EXOC6B: variants seen among roughly 807,000 people sequenced by gnomAD.
EXOC6B encodes the protein exocyst complex component 6B.
A neutral mutation model predicts 113.5 loss-of-function variants in EXOC6B; 54 were observed. The ratio of observed to expected loss-of-function variants is 0.48; its 90% confidence interval spans 0.38 to 0.60. The LOEUF is 0.60. EXOC6B is among the 20% of genes least tolerant of loss of function. The pLI is 0.00. For synonymous variants in EXOC6B, 357 were observed against 339.0 expected (o/e 1.05, Z -0.58); for missense variants, 797 against 977.5 (o/e 0.82, Z 2.46).
At chr2:72,423,454 A>G (rs1357862291) in intron 18 of EXOC6B, among the ~76,000 whole-genome samples, 1 of 152,216 alleles carries the variant, frequency 6.6e-6, no homozygotes, top group African/African-American at 2.4e-5. Context: ...ATTCATATAT[A>G]AGAAAATTAA....
chr2:72,614,329 T>G (rs1558845772), intron 6 of EXOC6B, among the ~76,000 whole-genome samples: 1 of 152,102 alleles, frequency 6.6e-6, no homozygotes. Flanking sequence ...TGACAATGAC[T>G]CTTCATGAAA....
chr2:72,814,863 C>T (rs1015522413), intron 1 of EXOC6B, among the ~76,000 whole-genome samples: 1 of 152,090 alleles, frequency 6.6e-6, no homozygotes. Context: ...TGGTGGCAGG[C>T]GCCTGTAGTC....
intron 19 of EXOC6B, among the ~76,000 whole-genome samples, chr2:72,361,358 T>C (rs560385742): frequency 1.1e-4 from 16 of 152,262 alleles, no homozygotes; most frequent in African/African-American, 3.9e-4. Flanking sequence ...TAATATAAAC[T>C]TGAAAGGCTG....
chr2:72,227,195 A>G (rs1681297921), intron 20 of EXOC6B, among the ~76,000 whole-genome samples: 1 of 152,208 alleles, frequency 6.6e-6, no homozygotes, highest in South Asian at 2.1e-4. Context: ...TTGTATTAAT[A>G]AGCAAATCCA....
chr2:72,183,668 T>G (rs906754096), intron 21 of EXOC6B, among the ~76,000 whole-genome samples: 1 of 152,202 alleles, frequency 6.6e-6, no homozygotes, highest in Non-Finnish European at 1.5e-5. Context: ...AGAAACCATC[T>G]GTTCTGTGGA....
intron 11 of EXOC6B, among the ~76,000 whole-genome samples, chr2:72,505,300 A>T (rs1000093612): frequency 2.0e-5 from 3 of 152,160 alleles, no homozygotes; most frequent in Non-Finnish European, 4.4e-5. Flanking sequence ...CAGCTGTCCC[A>T]TTGCTATTCA....
At chr2:72,328,109 T>C (rs971576704) in intron 20 of EXOC6B, among the ~76,000 whole-genome samples, 5 of 152,110 alleles carry the variant, frequency 3.3e-5, no homozygotes, top group Non-Finnish European at 7.4e-5. Flanking sequence ...TACTTAGGAA[T>C]AGGAATTATT....
intron 18 of EXOC6B, among the ~76,000 whole-genome samples, chr2:72,435,791 T>C (rs1316982863): frequency 6.6e-6 from 1 of 152,146 alleles, no homozygotes; most frequent in Non-Finnish European, 1.5e-5. Flanking sequence ...CCTATGTTTG[T>C]CTTTGCACGT....
intron 8 of EXOC6B, among the ~76,000 whole-genome samples, chr2:72,522,459 GTTGT>G (rs1445709801): frequency 6.6e-6 from 1 of 151,574 alleles, no homozygotes; most frequent in South Asian, 2.1e-4. Flanking sequence ...TGTTTTCTAC[GTTGT>G]TTATCTTTTT....
chr2:72,782,200 T>C (rs1001044552), intron 1 of EXOC6B, among the ~76,000 whole-genome samples: 2 of 150,614 alleles, frequency 1.3e-5, no homozygotes, highest in Non-Finnish European at 3.0e-5. Context: ...CCTAACAACA[T>C]CACAAAGTAT....
intron 20 of EXOC6B, among the ~76,000 whole-genome samples, chr2:72,292,895 A>G (rs1685892416): frequency 6.6e-6 from 1 of 152,070 alleles, no homozygotes; most frequent in Admixed American, 6.6e-5. Context: ...GTAGTATTCT[A>G]TTGTACAGAT....
intron 18 of EXOC6B, among the ~76,000 whole-genome samples, chr2:72,449,832 G>C (rs1696807791): frequency 6.6e-6 from 1 of 152,138 alleles, no homozygotes; most frequent in South Asian, 2.1e-4. Flanking sequence ...GGAAGACTTA[G>C]AGTTCTAGTC....
chr2:72,297,007 C>G (rs543135460), intron 20 of EXOC6B, among the ~76,000 whole-genome samples: 3 of 152,294 alleles, frequency 2.0e-5, no homozygotes, highest in Non-Finnish European at 4.4e-5. Context: ...AATATGTGAA[C>G]ATATTCTTAA....
At chr2:72,542,764 T>G (rs1473953519) in intron 8 of EXOC6B, among the ~76,000 whole-genome samples, 1 of 152,250 alleles carries the variant, frequency 6.6e-6, no homozygotes, top group Admixed American at 6.5e-5. Context: ...GTTATTTATG[T>G]ATCCCCATCA....
chr2:72,294,695 T>C (rs547861815), intron 20 of EXOC6B, among the ~76,000 whole-genome samples: 2 of 152,252 alleles, frequency 1.3e-5, no homozygotes, highest in African/African-American at 2.4e-5. Flanking sequence ...ATTTGCTACA[T>C]AGATATTTTC....
chr2:72,396,148 G>C (rs1692712429), intron 18 of EXOC6B, among the ~76,000 whole-genome samples: 1 of 152,058 alleles, frequency 6.6e-6, no homozygotes, highest in African/African-American at 2.4e-5. Context: ...ATTTCACTCA[G>C]TTTGAGAGGA....
intron 19 of EXOC6B, among the ~76,000 whole-genome samples, chr2:72,347,678 G>A (rs1011140095): frequency 7.2e-5 from 11 of 151,956 alleles, no homozygotes; most frequent in Admixed American, 3.3e-4. Flanking sequence ...AAATTATTGA[G>A]ATATTTTGTA....
intron 7 of EXOC6B, among the ~76,000 whole-genome samples, chr2:72,572,645 A>G (rs1313009673): frequency 1.3e-5 from 2 of 152,212 alleles, no homozygotes; most frequent in East Asian, 3.8e-4. Flanking sequence ...GCAGTTCTCA[A>G]TGAGGTCTGT....
intron 6 of EXOC6B, among the ~76,000 whole-genome samples, chr2:72,616,195 T>C (rs955158515): frequency 3.9e-5 from 6 of 152,092 alleles, no homozygotes; most frequent in African/African-American, 1.2e-4. Context: ...AAAATGGACG[T>C]ACTACCCAAA....
Sources: gnomAD v4.1 joint callset for allele counts (sites outside exome capture counted in the v4.1 genomes callset) on GRCh38, gnomAD v4.1.1 for gene constraint, MANE v1.5 for transcripts, NCBI Gene and HGNC (gene_info 2026-07-23, HGNC 2026-07-21) for gene names.